The following ARHGAP39 variants were observed in gnomAD, a reference collection of about 807,000 sequenced individuals.
The protein encoded by ARHGAP39 is rho GTPase-activating protein 39.
A neutral mutation model predicts 106.9 loss-of-function variants in ARHGAP39; 44 were observed. The ratio of observed to expected loss-of-function variants is 0.41; its 90% CI spans 0.32 to 0.53. ARHGAP39 has a LOEUF of 0.53. Ranked by LOEUF, ARHGAP39 falls within the 20% of genes least tolerant of loss-of-function variation. The pLI, the probability that ARHGAP39 is intolerant of heterozygous loss-of-function variation, is 0.21. For missense variants in ARHGAP39, 1,496 were observed against 1,577.3 expected, an observed-to-expected ratio of 0.95 and a Z score of 0.87; for synonymous variants, 768 against 693.2, an observed-to-expected ratio of 1.11 and a Z score of -1.69.
intron 8 of ARHGAP39, 102 bp downstream of exon 8, chr8:144,534,027 G>T: frequency 1.5e-6 from 2 of 1,346,332 alleles, no homozygotes; most frequent in Non-Finnish European, 2.1e-6. Flanking sequence ...CACCCTCTGC[G>T]CTGCTGCCCC....
rs1456725908 is a variant in ARHGAP39 at position 144,685,820 on chromosome 8, T to TCCG, written c.-219_-217dup. On this transcript the variant is annotated 5_prime_UTR_variant, in exon 1 of 12. Transcript: ENST00000377307. ...GCGGCAGCCCGTGCTGTCGGCGTCC[T>TCCG]CCGCCGCCGCCGCCGGCCCAGTGCG... is the stretch of plus-strand genomic sequence containing the variant. Among the ~76,000 whole-genome samples, 250 of 147,610 alleles carry TCCG rather than the reference T, an allele frequency of 1.7e-3. No individual in the cohort carries two copies. Among genetic ancestry groups the TCCG allele is most frequent in the African/African-American group, 4.9e-3 (199 of 40,966 alleles).
At position 144,611,516 on chromosome 8, in the gene ARHGAP39, ATAGCTCTGTTAT is replaced by A. The variant is rs201639328; in HGVS notation, c.-81-5833_-81-5822del. On this transcript the variant is annotated intron_variant, in intron 1 of 11. Coordinates refer to ENST00000377307, the MANE Select transcript of ARHGAP39 (RefSeq NM_025251.3). ...TATCAGTTTTTGCTTCATGTATTTTATAGCTCTGTTATTAGGTGCATACACATTTACAGTGTC... is the reference window on the plus strand; with the variant it reads ...TATCAGTTTTTGCTTCATGTATTTTATAGGTGCATACACATTTACAGTGTC... 3.5e-3 allele frequency among the ~76,000 whole-genome samples: 529 copies of A among 152,272 alleles called. 9 individuals are homozygous for A. Among genetic ancestry groups the A allele is most frequent in the Admixed American group, 0.032 (482 of 15,288 alleles).
intron 1 of ARHGAP39, among the ~76,000 whole-genome samples, chr8:144,607,798 G>A (rs756274678): frequency 5.9e-5 from 9 of 152,266 alleles, no homozygotes; most frequent in Middle Eastern, 3.4e-3. Flanking sequence ...CGCGCTTTCC[G>A]CCACTCAAAT....
chr8:144,540,843 G>A (rs1272439870), intron 6 of ARHGAP39, among the ~76,000 whole-genome samples: 1 of 152,192 alleles, frequency 6.6e-6, no homozygotes, highest in Non-Finnish European at 1.5e-5. Flanking sequence ...CCTGTCTGGG[G>A]ATAAATAAAA....
rs1360195252 is a variant in ARHGAP39 at position 144,684,768 on chromosome 8, C to G, written c.-82+918G>C. 6.6e-6 allele frequency among the ~76,000 whole-genome samples: 1 copy of G among 152,188 alleles called. No homozygotes were observed. Among genetic ancestry groups the G allele is most frequent in the Non-Finnish European group, 1.5e-5 (1 of 68,016 alleles). ...GGAAGCAACCGAGGGAATTCCAGCTCGGGGGGCAACCGGGAGGGGAAGGCT... is the reference window on the plus strand; with the variant it reads ...GGAAGCAACCGAGGGAATTCCAGCTGGGGGGGCAACCGGGAGGGGAAGGCT... On this transcript the variant is annotated intron_variant, in intron 1 of 11. Transcript: ENST00000377307. The surrounding 1 kb of genome is among the most constrained non-coding windows in gnomAD (Gnocchi z 4.4).
chr8:144,665,528 G>C (rs1821941803), intron 1 of ARHGAP39, among the ~76,000 whole-genome samples: 1 of 152,210 alleles, frequency 6.6e-6, no homozygotes, highest in South Asian at 2.1e-4. Context: ...AGTTTTGTGG[G>C]CCAGGCCCAG....
At chr8:144,699,686 G>A in the ARHGAP39 span, among the ~76,000 whole-genome samples, 9 of 151,640 alleles carry the variant, frequency 5.9e-5, no homozygotes, top group African/African-American at 1.7e-4. Context: ...CGGACCATGC[G>A]GGGCTGGGTG....
In ARHGAP39 at chr8:144,641,658, G is replaced by A. The variant is rs769577168; in HGVS notation, c.-81-35963C>T. The stretch of plus-strand genomic sequence containing the variant: ...CTCCGCCAAAAGCAGAGCCTGAGAC[G>A]AGGATGTGGCTTCATGGGCTCTATT... On this transcript the variant is annotated intron_variant, in intron 1 of 11. Coordinates refer to ENST00000377307, the MANE Select transcript of ARHGAP39 (RefSeq NM_025251.3). The surrounding 1 kb of genome is among the most constrained non-coding windows in gnomAD (Gnocchi z 5.2). Among the ~76,000 whole-genome samples the A allele has an allele frequency of 6.6e-6, 1 of 152,246 alleles. No individual in the cohort carries two copies. The highest frequency in any genetic ancestry group is 1.5e-5 in the Non-Finnish European group (1 of 68,052).
chr8:144,574,627 T>C (rs1168793341), intron 3 of ARHGAP39, among the ~76,000 whole-genome samples: 2 of 152,168 alleles, frequency 1.3e-5, no homozygotes, highest in Non-Finnish European at 2.9e-5. Context: ...TAAGCTGAGA[T>C]TGCGGCACTG....
the ARHGAP39 span, among the ~76,000 whole-genome samples, chr8:144,691,214 C>T: frequency 6.6e-6 from 1 of 152,186 alleles, no homozygotes; most frequent in African/African-American, 2.4e-5. Flanking sequence ...ACAGCTGGCT[C>T]AGGAAGCCCC....
rs1271331232 is a variant in ARHGAP39 at position 144,684,061 on chromosome 8, A to G, written c.-82+1625T>C. Among the ~76,000 whole-genome samples, 1 of 152,202 alleles carries G rather than the reference A, an allele frequency of 6.6e-6. No individual in the cohort carries two copies. The highest frequency in any genetic ancestry group is 2.4e-5 in the African/African-American group (1 of 41,452). On this transcript the variant is annotated intron_variant, in intron 1 of 11. Transcript: ENST00000377307. This position sits in a 1 kb window ranked among gnomAD's most constrained non-coding sequence, Gnocchi z 4.4. ...ACAGAGACCTTGCCGAAGACCACAAAGCCAGTAAACAGAAGAGTCGCGACT... is the reference window on the plus strand; with the variant it reads ...ACAGAGACCTTGCCGAAGACCACAAGGCCAGTAAACAGAAGAGTCGCGACT...
At chr8:144,609,828 G>A (rs981731078) in intron 1 of ARHGAP39, among the ~76,000 whole-genome samples, 7 of 152,148 alleles carry the variant, frequency 4.6e-5, no homozygotes, top group Non-Finnish European at 2.9e-5. Flanking sequence ...TGCTATCAGA[G>A]TAATACCAGC....
At position 144,671,420 on chromosome 8, in the gene ARHGAP39, C is replaced by T. The variant is rs140401252; in HGVS notation, c.-82+14266G>A. Among the ~76,000 whole-genome samples, 167 of 152,358 alleles carry T rather than the reference C, an allele frequency of 1.1e-3. No homozygotes were observed. The highest frequency in any genetic ancestry group is 3.5e-3 in the African/African-American group (144 of 41,576). On this transcript the variant is annotated intron_variant, in intron 1 of 11. Transcript: ENST00000377307. The surrounding 1 kb of genome is among the most constrained non-coding windows in gnomAD (Gnocchi z 4.5). ...CACTCTTCCTAACTGCATGCTGACTCGGAAGGTGGGGCTCAAGCTGAGAAG... is the reference window on the plus strand; with the variant it reads ...CACTCTTCCTAACTGCATGCTGACTTGGAAGGTGGGGCTCAAGCTGAGAAG...
chr8:144,564,251 A>C (rs1818310168), intron 3 of ARHGAP39, among the ~76,000 whole-genome samples: 2 of 152,252 alleles, frequency 1.3e-5, no homozygotes, highest in African/African-American at 4.8e-5. Flanking sequence ...TGGTTCTGAT[A>C]GTCAGGAATG....
At chr8:144,687,347 G>T (rs76879701), upstream of ARHGAP39, among the ~76,000 whole-genome samples, 13 of 6,194 alleles carry the variant, frequency 2.1e-3, no homozygotes, top group Non-Finnish European at 3.1e-3. Flanking sequence ...CTGTGACCAC[G>T]CACTGGCGGC....
chr8:144,608,394 C>T (rs1306629916), intron 1 of ARHGAP39, among the ~76,000 whole-genome samples: 2 of 152,100 alleles, frequency 1.3e-5, no homozygotes, highest in African/African-American at 4.8e-5. Context: ...TCCATCCTTC[C>T]ATCATGGGTT....
chr8:144,682,535 C>G (rs1822453170), intron 1 of ARHGAP39, among the ~76,000 whole-genome samples: 1 of 121,720 alleles, frequency 8.2e-6, no homozygotes, highest in Admixed American at 9.6e-5. Context: ...GGCAACAGAG[C>G]AAGACTCTGT....
At chr8:144,683,789 C>A (rs978720259) in intron 1 of ARHGAP39, among the ~76,000 whole-genome samples, 1 of 152,154 alleles carries the variant, frequency 6.6e-6, no homozygotes, top group Admixed American at 6.5e-5. Flanking sequence ...GCGCCACAGA[C>A]TTCCAGCTTA....
At chr8:144,656,194 GAAA>G (rs58292458) in intron 1 of ARHGAP39, among the ~76,000 whole-genome samples, 3 of 103,592 alleles carry the variant, frequency 2.9e-5, no homozygotes, top group African/African-American at 9.5e-5. Context: ...AGCAAATAAG[GAAA>G]AAAAAAAAAA....
Sources: allele counts gnomAD v4.1 joint callset (sites outside exome capture counted in the v4.1 genomes callset), GRCh38; gene constraint gnomAD v4.1.1; non-coding constraint Gnocchi (gnomAD v3.1); transcripts MANE v1.5; gene names NCBI Gene and HGNC (gene_info 2026-07-23, HGNC 2026-07-21).